Variants in MCC observed in about 807,000 individuals in gnomAD.
The protein encoded by MCC is colorectal mutant cancer protein.
A neutral mutation model predicts 116.2 loss-of-function variants in MCC; 90 were observed. That is an observed-to-expected ratio of 0.77 (90% CI 0.65 to 0.92). The LOEUF is 0.92. Ranked by LOEUF, MCC falls within the 40% of genes least tolerant of loss-of-function variation. MCC has a pLI of 0.00. For missense variants in MCC, 1,516 were observed against 1,312.2 expected (o/e 1.16, Z -2.40); for synonymous variants, 578 against 510.5 (o/e 1.13, Z -1.78).
chr5:113,111,218 G>A (rs532527431), intron 6 of MCC, among the ~76,000 whole-genome samples: 20 of 152,292 alleles, frequency 1.3e-4, no homozygotes, highest in East Asian at 3.9e-4. Flanking sequence ...TAACATAGAC[G>A]AGGAGGGAAA....
rs1015875285 is a variant in MCC at position 113,161,665 on chromosome 5, T to C, written c.628-10243A>G. On this transcript the variant is annotated intron_variant, in intron 3 of 18. Coordinates refer to ENST00000408903, the MANE Select transcript of MCC (RefSeq NM_001085377.2). ...GTGTGTGTGTGTGTGTGTGTGTGTG[T>C]GTGTGTCTACACATACCCATACACA... is the stretch of plus-strand genomic sequence containing the variant. 4.4e-5 allele frequency among the ~76,000 whole-genome samples: 4 copies of C among 91,900 alleles called. No homozygotes were observed. In the South Asian group the frequency reaches 1.6e-3, roughly 36 times the overall value. The allele number at this position is 91,900 out of a possible 152,430, so 60.3% of individuals were successfully genotyped here.
At position 113,024,586 on chromosome 5, in the gene MCC, A is replaced by C. The variant is rs1750397294; in HGVS notation, c.*2716T>G. 6.6e-6 allele frequency: 1 copy of C among 152,232 alleles called. No homozygotes were observed. The highest frequency in any genetic ancestry group is 2.1e-4 in the South Asian group (1 of 4,830). 9.4% of individuals were successfully genotyped at this position (152,232 alleles called of 1,614,324 possible). A position where few individuals can be genotyped will look rare whatever the true frequency, so the allele number is the denominator to read the frequency against. The stretch of plus-strand genomic sequence containing the variant: ...GGTAACCACTGAGGAAACTAGGGAG[A>C]ACAATTCAAAATACGAAATCTGAAG... On this transcript the variant is annotated 3_prime_UTR_variant, in exon 19 of 19. Transcript: ENST00000408903.
chr5:113,209,620 C>A (rs553626157), intron 3 of MCC, among the ~76,000 whole-genome samples: 1 of 152,194 alleles, frequency 6.6e-6, no homozygotes, highest in African/African-American at 2.4e-5. Flanking sequence ...AGTTGTCAAG[C>A]AAAAAGCAAG....
chr5:113,106,470 T>C (rs1306010751), intron 6 of MCC, among the ~76,000 whole-genome samples: 1 of 152,202 alleles, frequency 6.6e-6, no homozygotes, highest in East Asian at 1.9e-4. Flanking sequence ...CAAACTCCTG[T>C]CTGCTCCACA....
intron 3 of MCC, among the ~76,000 whole-genome samples, chr5:113,280,414 G>GT (rs1766001062): frequency 6.6e-6 from 1 of 152,124 alleles, no homozygotes; most frequent in African/African-American, 2.4e-5. Context: ...ACAATGTAGG[G>GT]TATGTTCTGA....
intron 3 of MCC, among the ~76,000 whole-genome samples, chr5:113,231,886 GTAGACTT>G (rs1763952675): frequency 6.6e-6 from 1 of 152,106 alleles, no homozygotes; most frequent in Non-Finnish European, 1.5e-5. Context: ...GTCTACCTTA[GTAGACTT>G]CAACTCTATT....
intron 3 of MCC, among the ~76,000 whole-genome samples, chr5:113,172,442 T>C (rs1042162108): frequency 3.3e-5 from 5 of 151,454 alleles, no homozygotes; most frequent in African/African-American, 7.3e-5. Flanking sequence ...CTATTTCCTA[T>C]AGCTTTACAG....
chr5:113,274,148 A>G (rs1301131744), intron 3 of MCC, among the ~76,000 whole-genome samples: 4 of 152,242 alleles, frequency 2.6e-5, no homozygotes, highest in African/African-American at 4.8e-5. Context: ...ACGCCATCAG[A>G]CAGTACCACT....
intron 1 of MCC, among the ~76,000 whole-genome samples, chr5:113,460,908 A>C (rs540907684): frequency 1.3e-4 from 20 of 152,334 alleles, no homozygotes; most frequent in African/African-American, 4.6e-4. Flanking sequence ...CTGCACATCA[A>C]AATTTGAGAA....
intron 12 of MCC, 99 bp from the exon 13 acceptor site, chr5:113,068,282 C>T (rs767151168): frequency 4.1e-5 from 34 of 823,478 alleles, no homozygotes; most frequent in South Asian, 3.1e-4. Context: ...GGTGCTGTCT[C>T]GGCCTCACTC....
intron 1 of MCC, among the ~76,000 whole-genome samples, chr5:113,417,954 C>A (rs1203917366): frequency 2.0e-5 from 3 of 150,602 alleles, no homozygotes; most frequent in African/African-American, 4.9e-5. Context: ...AAAAGTCATA[C>A]AAAAGTGAAA....
chr5:113,304,059 C>A (rs993714833), intron 3 of MCC, among the ~76,000 whole-genome samples: 2 of 152,122 alleles, frequency 1.3e-5, no homozygotes, highest in South Asian at 4.2e-4. Flanking sequence ...AGCTTTTCTT[C>A]CTTTACTATG....
intron 1 of MCC, among the ~76,000 whole-genome samples, chr5:113,468,828 G>A (rs1269749178): frequency 1.3e-5 from 2 of 152,066 alleles, no homozygotes; most frequent in Non-Finnish European, 2.9e-5. Context: ...TTTTTTGGTT[G>A]GTAAGCTATT....
chr5:113,431,762 A>AG (rs1770652190), intron 1 of MCC, among the ~76,000 whole-genome samples: 3 of 11,982 alleles, frequency 2.5e-4, no homozygotes, highest in Non-Finnish European at 5.7e-4. Flanking sequence ...TTGGGAGGCC[A>AG]AGGGGGGGGG....
chr5:113,272,700 T>A (rs2150353644), intron 3 of MCC, among the ~76,000 whole-genome samples: 1 of 152,296 alleles, frequency 6.6e-6, no homozygotes, highest in East Asian at 1.9e-4. Flanking sequence ...ATAATTAGGT[T>A]CTTGGAATTT....
chr5:113,087,215 T>G (rs2150245835), intron 8 of MCC, among the ~76,000 whole-genome samples: 1 of 152,350 alleles, frequency 6.6e-6, no homozygotes, highest in Admixed American at 6.5e-5. Flanking sequence ...AATTGAAATT[T>G]CAATAATTCA....
chr5:113,063,942 T>A (rs757048471), intron 14 of MCC, 42 bp downstream of exon 14: 23 of 1,572,126 alleles, frequency 1.5e-5, no homozygotes, highest in Non-Finnish European at 1.8e-5. Flanking sequence ...ACAGATGCCA[T>A]GTGGACACAC....
chr5:113,168,466 A>C (rs1459872000), intron 3 of MCC, among the ~76,000 whole-genome samples: 2 of 152,214 alleles, frequency 1.3e-5, no homozygotes, highest in African/African-American at 4.8e-5. Context: ...TTTTTATTAA[A>C]AACTTGACTA....
intron 1 of MCC, among the ~76,000 whole-genome samples, chr5:113,443,698 A>G (rs899834376): frequency 6.6e-6 from 1 of 152,172 alleles, no homozygotes; most frequent in African/African-American, 2.4e-5. Flanking sequence ...GAGAGCTTTT[A>G]GCATGAAGGG....
Sources: allele counts gnomAD v4.1 joint callset (sites outside exome capture counted in the v4.1 genomes callset), GRCh38; gene constraint gnomAD v4.1.1; transcripts MANE v1.5; gene names NCBI Gene and HGNC (gene_info 2026-07-23, HGNC 2026-07-21).